The following SLC4A10 variants were observed in gnomAD, a reference collection of about 807,000 sequenced individuals.
The protein encoded by SLC4A10 is sodium-driven chloride bicarbonate exchanger.
A neutral mutation model predicts 137.7 loss-of-function variants in SLC4A10; 42 were observed. That is an observed-to-expected ratio of 0.30 (90% CI 0.24 to 0.39). The LOEUF (loss-of-function observed/expected upper bound fraction) is 0.39, where lower values mean the gene tolerates loss of function less well. Ranked by LOEUF, SLC4A10 falls within the 10% of genes least tolerant of loss-of-function variation. The probability of loss-of-function intolerance (pLI) is 1.00; values close to 1 mark genes in which losing one functional copy is unlikely to be tolerated. For missense variants in SLC4A10, 925 were observed against 1,355.0 expected, an observed-to-expected ratio of 0.68 and a Z score of 4.98; for synonymous variants, 474 against 464.1, an observed-to-expected ratio of 1.02 and a Z score of -0.27.
intron 3 of SLC4A10, among the ~76,000 whole-genome samples, chr2:161,827,937 A>G (rs1267878189): frequency 6.6e-6 from 1 of 152,188 alleles, no homozygotes; most frequent in Non-Finnish European, 1.5e-5. Flanking sequence ...GGCTTGGTCC[A>G]ATCTTCTGGG....
chr2:161,688,627 A>T (rs779202686), intron 1 of SLC4A10, among the ~76,000 whole-genome samples: 3 of 152,158 alleles, frequency 2.0e-5, no homozygotes, highest in Admixed American at 2.0e-4. Context: ...TTTTTATTGG[A>T]TAGGAATTAA....
chr2:161,662,813 A>C (rs535362170), intron 1 of SLC4A10, among the ~76,000 whole-genome samples: 1 of 152,180 alleles, frequency 6.6e-6, no homozygotes, highest in Non-Finnish European at 1.5e-5. Context: ...AAGCTGACAA[A>C]CCATTGCTAT....
intron 3 of SLC4A10, among the ~76,000 whole-genome samples, chr2:161,817,424 G>T (rs2057195383): frequency 6.6e-6 from 1 of 152,132 alleles, no homozygotes; most frequent in African/African-American, 2.4e-5. Context: ...CTCCCATTTT[G>T]TAGGTTGCCT....
intron 8 of SLC4A10, among the ~76,000 whole-genome samples, chr2:161,877,667 G>A (rs1212667271): frequency 1.3e-5 from 2 of 151,796 alleles, no homozygotes; most frequent in South Asian, 2.1e-4. Context: ...TTCCACAAAA[G>A]CAAAATATTT....
chr2:161,892,992 C>G (rs912494113), intron 10 of SLC4A10, among the ~76,000 whole-genome samples: 2 of 152,028 alleles, frequency 1.3e-5, no homozygotes, highest in Admixed American at 1.3e-4. Flanking sequence ...AGGCTCTGCT[C>G]ATTATAATCA....
At chr2:161,685,005 A>T (rs1358450662) in intron 1 of SLC4A10, among the ~76,000 whole-genome samples, 1 of 152,160 alleles carries the variant, frequency 6.6e-6, no homozygotes, top group Admixed American at 6.5e-5. Flanking sequence ...GGTTTGCAAT[A>T]TGGACCCCAT....
intron 1 of SLC4A10, among the ~76,000 whole-genome samples, chr2:161,671,453 C>T (rs997295851): frequency 1.6e-4 from 25 of 152,062 alleles, no homozygotes; most frequent in South Asian, 2.1e-4. Context: ...GATTAGTTGA[C>T]GCCAGGAGCA....
At chr2:161,770,536 T>G (rs1218619439) in intron 1 of SLC4A10, among the ~76,000 whole-genome samples, 1 of 151,920 alleles carries the variant, frequency 6.6e-6, no homozygotes, top group African/African-American at 2.4e-5. Context: ...AATCCCATTT[T>G]TAATGACAGT....
chr2:161,773,118 C>T (rs1559217261), intron 2 of SLC4A10, among the ~76,000 whole-genome samples: 1 of 152,008 alleles, frequency 6.6e-6, no homozygotes, highest in East Asian at 1.9e-4. Context: ...TATCTAACAG[C>T]TCCAGAGACT....
At chr2:161,735,166 ATATAT>A (rs2047217460) in intron 1 of SLC4A10, among the ~76,000 whole-genome samples, 1 of 148,700 alleles carries the variant, frequency 6.7e-6, no homozygotes, top group African/African-American at 2.4e-5. Context: ...TATAATATAC[ATATAT>A]TAATTAAAAT....
chr2:161,743,295 A>G (rs2048094902), intron 1 of SLC4A10, among the ~76,000 whole-genome samples: 1 of 152,172 alleles, frequency 6.6e-6, no homozygotes, highest in Admixed American at 6.6e-5. Context: ...TGATTTTTGT[A>G]TATGACAAGA....
intron 11 of SLC4A10, 58 bp from the exon 12 acceptor site, chr2:161,900,853 A>G: frequency 8.4e-7 from 1 of 1,193,732 alleles, no homozygotes; most frequent in Non-Finnish European, 1.2e-6. Flanking sequence ...ATTATTATTT[A>G]CAATTAACAC....
chr2:161,837,344 A>G (rs902453925), intron 3 of SLC4A10, among the ~76,000 whole-genome samples: 1 of 152,184 alleles, frequency 6.6e-6, no homozygotes, highest in African/African-American at 2.4e-5. Context: ...TAATAGCCTC[A>G]AGAAATGAAA....
intron 9 of SLC4A10, among the ~76,000 whole-genome samples, chr2:161,882,000 T>G (rs1370957632): frequency 6.6e-6 from 1 of 151,968 alleles, no homozygotes; most frequent in Non-Finnish European, 1.5e-5. Context: ...TTTTCTTCCT[T>G]CCAATTTAGA....
intron 1 of SLC4A10, among the ~76,000 whole-genome samples, chr2:161,675,982 G>GT (rs1462654647): frequency 1.3e-5 from 2 of 152,102 alleles, no homozygotes; most frequent in Admixed American, 1.3e-4. Flanking sequence ...TCAGAATTCT[G>GT]TTTTTTAGTC....
chr2:161,702,225 AG>A (rs2043196820), intron 1 of SLC4A10, among the ~76,000 whole-genome samples: 1 of 152,002 alleles, frequency 6.6e-6, no homozygotes, highest in East Asian at 1.9e-4. Flanking sequence ...AGCCATAAAA[AG>A]AATAAAATCC....
In SLC4A10 at chr2:161,828,767, CATATATATATATATATATATAT is replaced by C. The variant is rs58808663; in HGVS notation, c.278-11001_278-10980del. ...CTTTTCCTTGGTTTTAATTCTAATT[CATATATATATATATATATATAT>C]ATATATATATATATATATATGTATA... On this transcript the variant is annotated intron_variant, in intron 3 of 26. Coordinates refer to ENST00000446997, the MANE Select transcript of SLC4A10 (RefSeq NM_001178015.2). Among the ~76,000 whole-genome samples the C allele has an allele frequency of 3.2e-3, 134 of 42,092 alleles. 2 individuals carry two copies. The highest frequency in any genetic ancestry group is 7.4e-3 in the South Asian group (7 of 944). The allele number at this position is 42,092 out of a possible 152,430, so 27.6% of individuals were successfully genotyped here.
chr2:161,818,037 G>A (rs756982234), intron 3 of SLC4A10, among the ~76,000 whole-genome samples: 8 of 152,066 alleles, frequency 5.3e-5, no homozygotes, highest in African/African-American at 9.7e-5. Flanking sequence ...GTAGCTTGAT[G>A]GGGATGGTAT....
At chr2:161,830,919 T>C (rs771565768) in intron 3 of SLC4A10, among the ~76,000 whole-genome samples, 3 of 152,180 alleles carry the variant, frequency 2.0e-5, no homozygotes, top group Non-Finnish European at 2.9e-5. Flanking sequence ...GATTTGTTTG[T>C]ATATGAATAT....
Sources: allele counts gnomAD v4.1 joint callset (sites outside exome capture counted in the v4.1 genomes callset), GRCh38; gene constraint gnomAD v4.1.1; transcripts MANE v1.5; gene names NCBI Gene and HGNC (gene_info 2026-07-23, HGNC 2026-07-21).